TMEM132D: variants seen among roughly 807,000 people sequenced by gnomAD.
The protein encoded by TMEM132D is mature OL transmembrane protein.
In TMEM132D, 21 loss-of-function variants were observed where a neutral mutation model predicts 62.3. That is an observed-to-expected ratio of 0.34 (90% CI 0.24 to 0.49). The LOEUF (loss-of-function observed/expected upper bound fraction) is 0.49, where lower values mean the gene tolerates loss of function less well. Among genes scored for constraint, TMEM132D ranks in the 20% least tolerant of loss-of-function variants. The pLI is 0.99. For synonymous variants in TMEM132D, 621 were observed against 575.6 expected (o/e 1.08, Z -1.13); for missense variants, 1,346 against 1,402.8 (o/e 0.96, Z 0.65).
At chr12:129,279,204 T>C (rs548990804) in intron 4 of TMEM132D, among the ~76,000 whole-genome samples, 1 of 152,346 alleles carries the variant, frequency 6.6e-6, no homozygotes, top group African/African-American at 2.4e-5. Context: ...AAGGGAAAAG[T>C]TGATATCACC....
intron 4 of TMEM132D, among the ~76,000 whole-genome samples, chr12:129,305,396 C>T (rs1299729846): frequency 1.3e-5 from 2 of 152,186 alleles, no homozygotes; most frequent in African/African-American, 4.8e-5. Flanking sequence ...GTGCCACTGC[C>T]TGTCCTGAGG....
intron 1 of TMEM132D, among the ~76,000 whole-genome samples, chr12:129,711,524 G>C (rs1881644046): frequency 6.6e-6 from 1 of 151,962 alleles, no homozygotes; most frequent in South Asian, 2.1e-4. Flanking sequence ...TCAGGTGTTC[G>C]AGACCAGCCT....
chr12:129,893,024 A>G (rs1874979880), intron 1 of TMEM132D, among the ~76,000 whole-genome samples: 2 of 152,052 alleles, frequency 1.3e-5, no homozygotes, highest in Admixed American at 1.3e-4. Flanking sequence ...CTACAGGCAC[A>G]TGGCACCACG....
chr12:129,712,990 G>A (rs183364762), intron 1 of TMEM132D, among the ~76,000 whole-genome samples: 5 of 152,232 alleles, frequency 3.3e-5, no homozygotes, highest in Middle Eastern at 3.4e-3. Flanking sequence ...TTTCTACTCC[G>A]ATTTAGCCAC....
At chr12:129,592,649 C>G (rs1705102) in intron 2 of TMEM132D, among the ~76,000 whole-genome samples, 1 of 151,712 alleles carries the variant, frequency 6.6e-6, no homozygotes, top group East Asian at 1.9e-4. Flanking sequence ...TGTACATATT[C>G]AAAAGAATGA....
intron 1 of TMEM132D, among the ~76,000 whole-genome samples, chr12:129,875,044 TG>T (rs1487588063): frequency 6.6e-6 from 1 of 152,228 alleles, no homozygotes; most frequent in Non-Finnish European, 1.5e-5. Flanking sequence ...ATAAAAAGCA[TG>T]TGTAATTTCA....
chr12:129,631,741 G>A (rs11060474), intron 2 of TMEM132D, among the ~76,000 whole-genome samples: 12,158 of 152,214 alleles, frequency 0.08, 699 homozygotes, highest in East Asian at 0.23. Context: ...AGCTGGAATC[G>A]TCACGGAATA....
intron 5 of TMEM132D, chr12:129,113,070 C>G (rs1875775010): frequency 6.6e-6 from 1 of 152,204 alleles, no homozygotes; most frequent in Non-Finnish European, 1.5e-5. Context: ...TAAAGGTCTT[C>G]TTTCTGAAAC....
rs2135603900 is a variant in TMEM132D at position 129,074,621 on chromosome 12, C to T, written c.2554G>A (p.Gly852Arg). 1.2e-6 allele frequency: 2 copies of T among 1,614,022 alleles called. No individual in the cohort carries two copies. Among genetic ancestry groups the T allele is most frequent in the Non-Finnish European group, 1.7e-6 (2 of 1,180,010 alleles). ...YGSSSMGLME[G>R]RGTTTDRSIL... Reference sequence around the variant, plus strand: ...GACCTGTCTGTCGTGGTGCCCCGTCCCTCCATGAGTCCCATAGAAGAACTG... The same window carrying T: ...GACCTGTCTGTCGTGGTGCCCCGTCTCTCCATGAGTCCCATAGAAGAACTG... Residue 852 changes from glycine to arginine, a missense_variant, in exon 9 of 9, where the codon GGA becomes AGA. Transcript: ENST00000422113.
At chr12:129,266,461 C>T (rs529670816) in intron 4 of TMEM132D, among the ~76,000 whole-genome samples, 2 of 150,838 alleles carry the variant, frequency 1.3e-5, no homozygotes, top group South Asian at 2.1e-4. Context: ...CTCACCTCCA[C>T]TTCCCCTCCT....
At chr12:129,838,146 G>A in intron 1 of TMEM132D, among the ~76,000 whole-genome samples, 1 of 152,076 alleles carries the variant, frequency 6.6e-6, no homozygotes, top group African/African-American at 2.4e-5. Context: ...CTGGATTCCT[G>A]GTCTTTTTAA....
At chr12:129,116,039 A>C (rs1299942045) in intron 5 of TMEM132D, among the ~76,000 whole-genome samples, 1 of 152,234 alleles carries the variant, frequency 6.6e-6, no homozygotes, top group Non-Finnish European at 1.5e-5. Context: ...ATCTGCAGAG[A>C]AATTCCCCCA....
intron 2 of TMEM132D, among the ~76,000 whole-genome samples, chr12:129,628,098 T>A (rs576631732): frequency 6.6e-6 from 1 of 152,372 alleles, no homozygotes; most frequent in South Asian, 2.1e-4. Flanking sequence ...TTATTCATTT[T>A]GTTGATAAAA....
intron 2 of TMEM132D, among the ~76,000 whole-genome samples, chr12:129,575,317 G>A (rs190301722): frequency 6.6e-6 from 1 of 151,856 alleles, no homozygotes; most frequent in African/African-American, 2.4e-5. Flanking sequence ...AAGTCATTCC[G>A]CCGGTCCTGC....
At chr12:129,102,660 T>G (rs1263313545) in intron 5 of TMEM132D, among the ~76,000 whole-genome samples, 1 of 152,204 alleles carries the variant, frequency 6.6e-6, no homozygotes, top group Non-Finnish European at 1.5e-5. Flanking sequence ...GAATTTTGTT[T>G]CTCCTTTTGC....
In TMEM132D at chr12:129,087,905, ACCGGGGTG is replaced by A. The variant is rs1565959420; in HGVS notation, c.1444-3211_1444-3204del. ...CTCCCTGACCGGGGTGTCCTCCCTG[ACCGGGGTG>A]TCCTCCCTGACCGGGTGTCCTCCAT... On this transcript the variant is annotated intron_variant, in intron 5 of 8. Coordinates refer to ENST00000422113, the MANE Select transcript of TMEM132D (RefSeq NM_133448.3). 2.2e-3 allele frequency among the ~76,000 whole-genome samples: 280 copies of A among 126,574 alleles called. 9 individuals carry two copies. The highest frequency in any genetic ancestry group is 1.0e-2 in the East Asian group (41 of 4,116). 83.0% of individuals were successfully genotyped at this position (126,574 alleles called of 152,430 possible).
chr12:129,283,958 A>T (rs1055814898), intron 4 of TMEM132D, among the ~76,000 whole-genome samples: 1 of 152,218 alleles, frequency 6.6e-6, no homozygotes, highest in South Asian at 2.1e-4. Context: ...TGGGAGTGAC[A>T]TTCAAAAGCT....
At chr12:129,404,827 A>G (rs1178472878) in intron 3 of TMEM132D, among the ~76,000 whole-genome samples, 1 of 152,054 alleles carries the variant, frequency 6.6e-6, no homozygotes, top group African/African-American at 2.4e-5. Context: ...ACCAGGCCCC[A>G]CCCCCAACAC....
At chr12:129,173,067 T>C (rs937565623) in intron 5 of TMEM132D, among the ~76,000 whole-genome samples, 1 of 152,182 alleles carries the variant, frequency 6.6e-6, no homozygotes, top group Non-Finnish European at 1.5e-5. Flanking sequence ...TGATTGCAGA[T>C]CACCATAACA....
Sources: allele counts gnomAD v4.1 joint callset (sites outside exome capture counted in the v4.1 genomes callset), GRCh38; gene constraint gnomAD v4.1.1; transcripts MANE v1.5; gene names NCBI Gene and HGNC (gene_info 2026-07-23, HGNC 2026-07-21).